BIRC6: variants seen among roughly 807,000 people sequenced by gnomAD.
BIRC6 encodes dual E2 ubiquitin-conjugating enzyme/E3 ubiquitin-protein ligase BIRC6.
BIRC6 carries 98 observed loss-of-function variants against 503.3 expected under a neutral mutation model. That is an observed-to-expected ratio of 0.19 (90% CI 0.17 to 0.23). BIRC6 has a LOEUF of 0.23. Among genes scored for constraint, BIRC6 ranks in the 10% least tolerant of loss-of-function variants. The pLI, the probability that BIRC6 is intolerant of heterozygous loss-of-function variation, is 1.00. For synonymous variants in BIRC6, 2,240 were observed against 2,078.7 expected (o/e 1.08, Z -2.11); for missense variants, 5,360 against 5,806.0 (o/e 0.92, Z 2.50).
At chr2:32,445,708 G>C in intron 21 of BIRC6, 40 bp downstream of exon 21, 3 of 1,385,966 alleles carry the variant, frequency 2.2e-6, no homozygotes, top group African/African-American at 2.9e-5. Flanking sequence ...AGGCGTCTCT[G>C]AGTATGATCA....
chr2:32,362,842 A>T (rs1020205862), intron 1 of BIRC6, among the ~76,000 whole-genome samples: 4 of 152,128 alleles, frequency 2.6e-5, no homozygotes, highest in Non-Finnish European at 4.4e-5. Context: ...TTAATTTTTA[A>T]ACACCTGTCT....
At chr2:32,448,993 C>T (rs1243258591) in intron 22 of BIRC6, 65 bp downstream of exon 22, 1 of 1,471,680 alleles carries the variant, frequency 6.8e-7, no homozygotes, top group Non-Finnish European at 9.3e-7. Context: ...TGCCATTTGA[C>T]TTAATAGATT....
At chr2:32,494,718 A>G (rs1172503637) in intron 45 of BIRC6, among the ~76,000 whole-genome samples, 2 of 151,840 alleles carry the variant, frequency 1.3e-5, no homozygotes, top group Admixed American at 6.6e-5. Context: ...CCTGGGTCAC[A>G]TGGCGGGACC....
chr2:32,389,753 G>A (rs2149529566), intron 4 of BIRC6, among the ~76,000 whole-genome samples: 1 of 152,284 alleles, frequency 6.6e-6, no homozygotes, highest in South Asian at 2.1e-4. Flanking sequence ...CTGGAGTGTA[G>A]TGGCACAATC....
intron 65 of BIRC6, among the ~76,000 whole-genome samples, chr2:32,553,197 C>CA (rs763552918): frequency 0.011 from 377 of 34,950 alleles, 69 homozygotes; most frequent in East Asian, 0.076. Flanking sequence ...AACTCTGTCT[C>CA]AAAAAAAAAA....
At chr2:32,388,717 T>G (rs1194477605) in intron 3 of BIRC6, 33 bp from the exon 4 acceptor site, 1 of 1,458,272 alleles carries the variant, frequency 6.9e-7, no homozygotes, top group Non-Finnish European at 9.2e-7. Context: ...GTTGAGTACA[T>G]TTTCCTTTGC....
chr2:32,361,085 T>C (rs958502955), intron 1 of BIRC6, among the ~76,000 whole-genome samples: 1 of 151,994 alleles, frequency 6.6e-6, no homozygotes, highest in African/African-American at 2.4e-5. Flanking sequence ...CAGACCTGGC[T>C]AATTTTTTTT....
At chr2:32,506,385 T>A (rs996437224) in intron 50 of BIRC6, among the ~76,000 whole-genome samples, 1 of 152,192 alleles carries the variant, frequency 6.6e-6, no homozygotes, top group African/African-American at 2.4e-5. Context: ...ACTTGTGGCA[T>A]CCACACTCCT....
At chr2:32,547,813 CAAATTGTA>C (rs1207106248) in intron 63 of BIRC6, 29 bp from the exon 64 acceptor site, 3 of 1,473,100 alleles carry the variant, frequency 2.0e-6, no homozygotes, top group Non-Finnish European at 2.7e-6. Context: ...TAAGCAAAAA[CAAATTGTA>C]ATGGATTTTC....
At chr2:32,405,982 T>C (rs567876534) in intron 8 of BIRC6, among the ~76,000 whole-genome samples, 1 of 152,330 alleles carries the variant, frequency 6.6e-6, no homozygotes, top group African/African-American at 2.4e-5. Flanking sequence ...ATTTATTTAA[T>C]GATTTAAGAA....
rs766311005 is a variant in BIRC6 at position 32,463,304 on chromosome 2, C to G, written c.4864C>G (p.His1622Asp). 1.2e-6 allele frequency: 2 copies of G among 1,613,888 alleles called. No individual in the cohort carries two copies. Among genetic ancestry groups the G allele is most frequent in the Non-Finnish European group, 1.7e-6 (2 of 1,179,830 alleles). ...CCAGGTAGCTTTGCAGTCTCTCTCT[C>G]ATGCAATGGCTTCAGCCGAGCAACA... ...AAQVALQSLS[H>D]AMASAEQQLQ... Residue 1622 changes from histidine to aspartate, a missense_variant, in exon 24 of 74, where the codon CAT becomes GAT. Physicochemically the swap from His to Asp is moderately conservative, Grantham distance 81. Around this residue, in one of 16 missense-constraint regions of BIRC6, gnomAD observed 2,299 missense variants for 2,267.2 expected, o/e 1.01. Coordinates refer to ENST00000421745, the MANE Select transcript of BIRC6 (RefSeq NM_016252.4).
chr2:32,364,683 G>C (rs2034625239), intron 1 of BIRC6, among the ~76,000 whole-genome samples: 1 of 151,400 alleles, frequency 6.6e-6, no homozygotes, highest in East Asian at 1.9e-4. Context: ...TTTGATTTGA[G>C]AAATTTGTAT....
intron 20 of BIRC6, among the ~76,000 whole-genome samples, chr2:32,444,957 G>A (rs1270783238): frequency 6.6e-6 from 1 of 152,140 alleles, no homozygotes; most frequent in Non-Finnish European, 1.5e-5. Context: ...GGACGCTTAA[G>A]TTTTGGCATG....
At chr2:32,589,306 C>T (rs2061260609) in intron 66 of BIRC6, among the ~76,000 whole-genome samples, 1 of 152,146 alleles carries the variant, frequency 6.6e-6, no homozygotes, top group Non-Finnish European at 1.5e-5. Context: ...AAGTTTCTTC[C>T]TAATGGAAAG....
intron 42 of BIRC6, among the ~76,000 whole-genome samples, chr2:32,489,368 C>T (rs1050172768): frequency 6.6e-6 from 1 of 152,032 alleles, no homozygotes; most frequent in Non-Finnish European, 1.5e-5. Context: ...CTACTTACAT[C>T]TGCACTGTCT....
At chr2:32,617,409 A>C (rs1039346647) in intron 73 of BIRC6, among the ~76,000 whole-genome samples, 6 of 152,218 alleles carry the variant, frequency 3.9e-5, no homozygotes. Context: ...TCAAAAAAAA[A>C]AGAGTATATG....
chr2:32,407,669 A>G (rs1417791642), intron 9 of BIRC6, among the ~76,000 whole-genome samples: 1 of 152,058 alleles, frequency 6.6e-6, no homozygotes, highest in Non-Finnish European at 1.5e-5. Flanking sequence ...TTGGTAGTAA[A>G]TATTCTTTAA....
In BIRC6 at chr2:32,594,058, AG is replaced by A; in HGVS notation, c.13501+1del. The A allele has an allele frequency of 6.2e-7, 1 of 1,608,986 alleles. No homozygotes were observed. Among genetic ancestry groups the A allele is most frequent in the Non-Finnish European group, 8.5e-7 (1 of 1,178,042 alleles). On this transcript the variant is annotated frameshift_variant and splice_region_variant, in exon 67 of 74. Coordinates refer to ENST00000421745, the MANE Select transcript of BIRC6 (RefSeq NM_016252.4). LOFTEE classifies it high-confidence loss of function. ...AATTSLRQAN[Q>X]EKKLGEYSKK... ...ACCACCAGTTTGCGGCAAGCAAATCAGGGTACAAAACTTTTCCTATTATGCC... is the reference window on the plus strand; with the variant it reads ...ACCACCAGTTTGCGGCAAGCAAATCAGGTACAAAACTTTTCCTATTATGCC...
intron 23 of BIRC6, among the ~76,000 whole-genome samples, chr2:32,455,717 A>C (rs1248698138): frequency 6.6e-6 from 1 of 152,234 alleles, no homozygotes; most frequent in Non-Finnish European, 1.5e-5. Context: ...TTAAAAGATA[A>C]AAGGTTAGGT....
Sources: allele counts gnomAD v4.1 joint callset (sites outside exome capture counted in the v4.1 genomes callset), GRCh38; gene constraint gnomAD v4.1.1; regional missense constraint gnomAD v4.1.1; transcripts MANE v1.5; gene names NCBI Gene and HGNC (gene_info 2026-07-23, HGNC 2026-07-21).